CREBBP: variants seen among roughly 807,000 people sequenced by gnomAD.
CREBBP encodes the protein CREB-binding protein.
In CREBBP, 19 loss-of-function variants were observed where a neutral mutation model predicts 265.0. The observed-to-expected ratio is 0.07, with a 90% CI of 0.05 to 0.11. The LOEUF is 0.11. Among genes scored for constraint, CREBBP ranks in the 10% least tolerant of loss-of-function variants. The pLI is 1.00. For missense variants in CREBBP, 2,525 were observed against 3,219.0 expected, an observed-to-expected ratio of 0.78 and a Z score of 5.22; for synonymous variants, 1,457 against 1,223.7, an observed-to-expected ratio of 1.19 and a Z score of -3.98.
intron 8 of CREBBP, among the ~76,000 whole-genome samples, chr16:3,779,786 G>A (rs1195874745): frequency 1.3e-5 from 2 of 152,222 alleles, no homozygotes; most frequent in Admixed American, 6.5e-5. Context: ...CAAAGGGAAT[G>A]TAAGTCTAGC....
At chr16:3,828,250 G>T (rs2054277346) in intron 2 of CREBBP, among the ~76,000 whole-genome samples, 1 of 152,080 alleles carries the variant, frequency 6.6e-6, no homozygotes, top group Non-Finnish European at 1.5e-5. Flanking sequence ...GTGCCACCAT[G>T]CCCAGCTAAT....
At chr16:3,868,653 G>A (rs1270155367) in intron 1 of CREBBP, among the ~76,000 whole-genome samples, 1 of 152,078 alleles carries the variant, frequency 6.6e-6, no homozygotes, top group Non-Finnish European at 1.5e-5. Flanking sequence ...AATGAGCTCT[G>A]GTGTCCTTCC....
intron 16 of CREBBP, among the ~76,000 whole-genome samples, chr16:3,764,492 T>G (rs989406435): frequency 1.3e-5 from 2 of 151,582 alleles, no homozygotes; most frequent in African/African-American, 4.9e-5. Flanking sequence ...CCCAGGCTGG[T>G]CTTGAACGCC....
chr16:3,837,631 TAATA>T (rs966363424), intron 2 of CREBBP, among the ~76,000 whole-genome samples: 12 of 149,946 alleles, frequency 8.0e-5, no homozygotes, highest in East Asian at 5.8e-4. Context: ...ATAATAATAA[TAATA>T]AATAAATAAA....
At chr16:3,839,826 A>AGAAAGAGAAG (rs1432141430) in intron 2 of CREBBP, among the ~76,000 whole-genome samples, 1 of 151,936 alleles carries the variant, frequency 6.6e-6, no homozygotes, top group Non-Finnish European at 1.5e-5. Flanking sequence ...AAGGAAAGAA[A>AGAAAGAGAAG]GAAAGAGAAG....
chr16:3,801,148 A>G (rs1435424329), intron 3 of CREBBP, among the ~76,000 whole-genome samples: 1 of 152,100 alleles, frequency 6.6e-6, no homozygotes, highest in Admixed American at 6.5e-5. Context: ...TGATGAGCCA[A>G]CCAACTAGCA....
chr16:3,739,110 C>T (rs1163820280), intron 25 of CREBBP, among the ~76,000 whole-genome samples: 1 of 152,202 alleles, frequency 6.6e-6, no homozygotes, highest in Non-Finnish European at 1.5e-5. Flanking sequence ...AACCAGTCAC[C>T]AACCCTGCTG....
intron 5 of CREBBP, 79 bp downstream of exon 5, chr16:3,791,902 C>A: frequency 8.0e-7 from 1 of 1,253,170 alleles, no homozygotes; most frequent in South Asian, 1.2e-5. Flanking sequence ...CCTGCCCACT[C>A]CCTACCTACT....
At chr16:3,839,038 T>C (rs1409757475) in intron 2 of CREBBP, among the ~76,000 whole-genome samples, 2 of 152,262 alleles carry the variant, frequency 1.3e-5, no homozygotes, top group African/African-American at 4.8e-5. Flanking sequence ...CACCATCTCA[T>C]TTAATTGGCA....
At chr16:3,762,139 G>A (rs1467449555) in intron 16 of CREBBP, among the ~76,000 whole-genome samples, 1 of 152,148 alleles carries the variant, frequency 6.6e-6, no homozygotes, top group Admixed American at 6.5e-5. Flanking sequence ...CTGCCTCCGT[G>A]CCACAGTGGC....
intron 2 of CREBBP, among the ~76,000 whole-genome samples, chr16:3,821,033 C>T (rs1481737296): frequency 6.6e-6 from 1 of 152,188 alleles, no homozygotes; most frequent in Non-Finnish European, 1.5e-5. Flanking sequence ...TAAGCAAAAA[C>T]GACGGGTCAA....
chr16:3,771,196 G>A (rs1314086066), intron 13 of CREBBP, among the ~76,000 whole-genome samples: 2 of 152,012 alleles, frequency 1.3e-5, no homozygotes, highest in East Asian at 1.9e-4. Flanking sequence ...AGCTTCTCGA[G>A]TAGCAGGGAT....
intron 24 of CREBBP, 128 bp downstream of exon 24, chr16:3,740,271 C>A: frequency 9.2e-7 from 1 of 1,081,132 alleles, no homozygotes; most frequent in Non-Finnish European, 1.4e-6. Flanking sequence ...GAGGGGGCTA[C>A]TGCACGCATT....
chr16:3,760,658 C>T (rs537225185), intron 16 of CREBBP, among the ~76,000 whole-genome samples: 156 of 152,190 alleles, frequency 1.0e-3, no homozygotes, highest in African/African-American at 3.6e-3. Context: ...CCCGCCCTGG[C>T]CTTCCAAAGT....
intron 2 of CREBBP, among the ~76,000 whole-genome samples, chr16:3,827,542 C>T (rs1333180725): frequency 2.0e-5 from 3 of 152,084 alleles, no homozygotes. Flanking sequence ...CAGGCGCCCG[C>T]CACCACGCCC....
chr16:3,863,663 G>A (rs1160415274), intron 1 of CREBBP, among the ~76,000 whole-genome samples: 1 of 152,132 alleles, frequency 6.6e-6, no homozygotes, highest in East Asian at 1.9e-4. Context: ...TGTCACCTGG[G>A]ACCCTAAACT....
intron 3 of CREBBP, among the ~76,000 whole-genome samples, chr16:3,794,631 G>C (rs1035774148): frequency 2.6e-5 from 4 of 152,078 alleles, no homozygotes; most frequent in Non-Finnish European, 4.4e-5. Context: ...TTAAAGATTT[G>C]GTGATCTGCT....
chr16:3,799,403 T>C (rs1160394511), intron 3 of CREBBP, among the ~76,000 whole-genome samples: 1 of 152,228 alleles, frequency 6.6e-6, no homozygotes, highest in African/African-American at 2.4e-5. Context: ...AATCTATCTA[T>C]ATGGCCAAGA....
chr16:3,760,186 G>A (rs922552789), intron 16 of CREBBP, among the ~76,000 whole-genome samples: 3 of 152,080 alleles, frequency 2.0e-5, no homozygotes, highest in Non-Finnish European at 4.4e-5. Context: ...CAACCTCCCA[G>A]GCTCAAGCCA....
Sources: allele counts gnomAD v4.1 joint callset (sites outside exome capture counted in the v4.1 genomes callset), GRCh38; gene constraint gnomAD v4.1.1; transcripts MANE v1.5; gene names NCBI Gene and HGNC (gene_info 2026-07-23, HGNC 2026-07-21).